Variants in OPCML observed in about 807,000 individuals in gnomAD.
The protein encoded by OPCML is opioid binding protein/cell adhesion molecule like, also known as opioid-binding protein/cell adhesion molecule.
OPCML carries 13 observed loss-of-function variants against 37.8 expected under a neutral mutation model. The observed-to-expected ratio is 0.34, with a 90% CI of 0.22 to 0.55. The LOEUF is 0.55. OPCML is among the 20% of genes least tolerant of loss of function. OPCML has a pLI of 0.91. For synonymous variants in OPCML, 176 were observed against 168.8 expected, an observed-to-expected ratio of 1.04 and a Z score of -0.33; for missense variants, 341 against 435.6, an observed-to-expected ratio of 0.78 and a Z score of 1.93.
chr11:133,095,910 A>G (rs960150067), intron 1 of OPCML, among the ~76,000 whole-genome samples: 6 of 151,976 alleles, frequency 3.9e-5, no homozygotes, highest in Non-Finnish European at 7.4e-5. Flanking sequence ...TCTGACAAAC[A>G]AAAATTGAGA....
At chr11:133,108,138 A>C (rs1399529372) in intron 1 of OPCML, among the ~76,000 whole-genome samples, 6 of 152,198 alleles carry the variant, frequency 3.9e-5, no homozygotes, top group Non-Finnish European at 8.8e-5. Context: ...GCAAAGAAAT[A>C]AGCCTTGGAA....
intron 1 of OPCML, among the ~76,000 whole-genome samples, chr11:133,449,242 T>C (rs1225125418): frequency 2.6e-5 from 4 of 152,234 alleles, no homozygotes; most frequent in Non-Finnish European, 5.9e-5. Context: ...AACAAGCTTT[T>C]TTCTGCAAAA....
intron 2 of OPCML, among the ~76,000 whole-genome samples, chr11:132,725,473 T>A (rs181711062): frequency 2.1e-4 from 32 of 152,250 alleles, no homozygotes; most frequent in Non-Finnish European, 1.5e-5. Flanking sequence ...ACTGCGAAGA[T>A]CTCTGACATG....
At chr11:133,341,897 G>T (rs368436289) in intron 1 of OPCML, among the ~76,000 whole-genome samples, 109 of 151,750 alleles carry the variant, frequency 7.2e-4, no homozygotes, top group Non-Finnish European at 1.4e-3. Flanking sequence ...CAGCCTGGGC[G>T]AAAGAATAAG....
intron 1 of OPCML, among the ~76,000 whole-genome samples, chr11:133,023,398 G>A (rs76847017): frequency 0.13 from 20,037 of 152,028 alleles, 1,778 homozygotes; most frequent in East Asian, 0.3. Context: ...CACGATGCTC[G>A]GGGATGAAAG....
At chr11:132,442,378 T>C (rs955956803) in intron 4 of OPCML, among the ~76,000 whole-genome samples, 8 of 152,206 alleles carry the variant, frequency 5.3e-5, no homozygotes, top group African/African-American at 1.9e-4. Context: ...TTTCTCCCTT[T>C]ATGTCCTTTT....
chr11:133,083,796 C>A (rs891978068), intron 1 of OPCML, among the ~76,000 whole-genome samples: 3 of 152,150 alleles, frequency 2.0e-5, no homozygotes, highest in Non-Finnish European at 4.4e-5. Flanking sequence ...GGGCTGTGAG[C>A]GCGAGGACAG....
intron 4 of OPCML, among the ~76,000 whole-genome samples, chr11:132,460,829 C>T (rs2096099026): frequency 6.6e-6 from 1 of 152,154 alleles, no homozygotes; most frequent in African/African-American, 2.4e-5. Flanking sequence ...AAAGTGTTCT[C>T]TTAGGAAGCA....
chr11:133,358,929 G>A (rs1190216582), intron 1 of OPCML, among the ~76,000 whole-genome samples: 2 of 152,052 alleles, frequency 1.3e-5, no homozygotes, highest in Non-Finnish European at 2.9e-5. Context: ...AGCGTGGCTG[G>A]GCTGCAGGGT....
chr11:133,103,968 T>C (rs1949122136), intron 1 of OPCML, among the ~76,000 whole-genome samples: 1 of 152,188 alleles, frequency 6.6e-6, no homozygotes, highest in African/African-American at 2.4e-5. Context: ...ACAGTGCAAG[T>C]TTTTTCAGGA....
chr11:132,850,583 A>G (rs751701033), intron 2 of OPCML, among the ~76,000 whole-genome samples: 2 of 152,098 alleles, frequency 1.3e-5, no homozygotes, highest in South Asian at 4.2e-4. Flanking sequence ...ACTCATGTGT[A>G]TAGTTTGTAT....
chr11:133,077,021 C>T (rs1414014544), intron 1 of OPCML, among the ~76,000 whole-genome samples: 2 of 152,126 alleles, frequency 1.3e-5, no homozygotes, highest in Admixed American at 6.5e-5. Context: ...CCCATCTAGA[C>T]TACCTACTGC....
chr11:132,841,440 C>T (rs1302062796), intron 2 of OPCML, among the ~76,000 whole-genome samples: 1 of 151,962 alleles, frequency 6.6e-6, no homozygotes, highest in Non-Finnish European at 1.5e-5. Flanking sequence ...CTGCCAAGGC[C>T]CAGGGGGGTT....
intron 4 of OPCML, among the ~76,000 whole-genome samples, chr11:132,464,101 C>G (rs1386100302): frequency 6.6e-6 from 1 of 152,140 alleles, no homozygotes; most frequent in African/African-American, 2.4e-5. Context: ...CTCCTGCCAC[C>G]CCTCCCTTTC....
chr11:133,016,810 AC>A (rs1228226423), intron 1 of OPCML, among the ~76,000 whole-genome samples: 1 of 152,108 alleles, frequency 6.6e-6, no homozygotes, highest in Admixed American at 6.5e-5. Flanking sequence ...GCAACCACAA[AC>A]ATATAACATC....
At chr11:132,877,249 G>A (rs1943054849) in intron 2 of OPCML, among the ~76,000 whole-genome samples, 1 of 152,152 alleles carries the variant, frequency 6.6e-6, no homozygotes, top group Admixed American at 6.5e-5. Flanking sequence ...TTCCCGGTCA[G>A]CATTTTTGAT....
At chr11:132,731,890 A>C (rs1204186933) in intron 2 of OPCML, among the ~76,000 whole-genome samples, 1 of 152,192 alleles carries the variant, frequency 6.6e-6, no homozygotes, top group Non-Finnish European at 1.5e-5. Flanking sequence ...TAGAGGTAGA[A>C]GTAGTAGGAT....
chr11:132,614,036 A>C (rs2137865597), intron 3 of OPCML, among the ~76,000 whole-genome samples: 1 of 152,236 alleles, frequency 6.6e-6, no homozygotes, highest in South Asian at 2.1e-4. Flanking sequence ...TAGATGGGAT[A>C]AAAGTAGAGA....
At chr11:133,512,183 C>A (rs1948175506) in intron 1 of OPCML, among the ~76,000 whole-genome samples, 1 of 152,222 alleles carries the variant, frequency 6.6e-6, no homozygotes, top group Non-Finnish European at 1.5e-5. Context: ...TTCTGACCAA[C>A]CAGCAACAAA....
Sources: gnomAD v4.1 joint callset for allele counts (sites outside exome capture counted in the v4.1 genomes callset) on GRCh38, gnomAD v4.1.1 for gene constraint, MANE v1.5 for transcripts, NCBI Gene and HGNC (gene_info 2026-07-23, HGNC 2026-07-21) for gene names.